Variants in SGSM1 observed in about 807,000 individuals in gnomAD.
SGSM1 encodes the protein small G protein signaling modulator 1.
Under a neutral mutation model 133.8 loss-of-function variants are expected in SGSM1, and 73 were observed. The ratio of observed to expected loss-of-function variants is 0.55; its 90% CI spans 0.45 to 0.66. The LOEUF (loss-of-function observed/expected upper bound fraction) is 0.66, where lower values mean the gene tolerates loss of function less well. SGSM1 is among the 30% of genes least tolerant of loss of function. SGSM1 has a pLI of 0.00. For synonymous variants in SGSM1, 563 were observed against 573.0 expected (o/e 0.98, Z 0.25); for missense variants, 1,213 against 1,448.1 (o/e 0.84, Z 2.64).
At chr22:24,890,179 A>G (rs975814262) in intron 16 of SGSM1, among the ~76,000 whole-genome samples, 4 of 149,518 alleles carry the variant, frequency 2.7e-5, no homozygotes, top group Admixed American at 2.0e-4. Flanking sequence ...GATGGTCTCG[A>G]TCTCCTGACC....
intron 21 of SGSM1, among the ~76,000 whole-genome samples, chr22:24,912,427 C>T (rs957309181): frequency 6.6e-6 from 1 of 152,072 alleles, no homozygotes; most frequent in African/African-American, 2.4e-5. Context: ...GCCTGTAATC[C>T]CAGTACTTTG....
At chr22:24,919,489 G>C (rs182690716) in intron 23 of SGSM1, among the ~76,000 whole-genome samples, 45 of 152,286 alleles carry the variant, frequency 3.0e-4, no homozygotes, top group Non-Finnish European at 5.4e-4. Flanking sequence ...GATAGCAGGT[G>C]TTGCTTGTCA....
chr22:24,913,355 C>T (rs1206147574), intron 22 of SGSM1, among the ~76,000 whole-genome samples: 1 of 151,794 alleles, frequency 6.6e-6, no homozygotes, highest in East Asian at 1.9e-4. Context: ...TTTCCTCCAC[C>T]GAATAAAAAT....
At chr22:24,847,849 G>C in intron 4 of SGSM1, 53 bp downstream of exon 4, 2 of 1,586,884 alleles carry the variant, frequency 1.3e-6, no homozygotes, top group Non-Finnish European at 1.7e-6. Flanking sequence ...ATAGTCCACA[G>C]TCCTCCCTGG....
At chr22:24,844,578 G>T in intron 2 of SGSM1, 2 of 253,018 alleles carry the variant, frequency 7.9e-6, no homozygotes, top group Non-Finnish European at 1.5e-5. Flanking sequence ...ACTAAAACAG[G>T]GGATGGGAGT....
intron 2 of SGSM1, among the ~76,000 whole-genome samples, chr22:24,807,482 C>T (rs1209133978): frequency 6.6e-6 from 1 of 151,052 alleles, no homozygotes; most frequent in Non-Finnish European, 1.5e-5. Context: ...GTGTGTGTAT[C>T]TTGAGTAGGT....
At position 24,926,791 on chromosome 22, in the gene SGSM1, C is replaced by G. The variant is rs1363938371; in HGVS notation, c.*2517C>G. The stretch of plus-strand genomic sequence containing the variant: ...GGCCCACATATCTTGTAAATGTTTG[C>G]TGAAGAGTTGTGTCTATATATAGAG... On this transcript the variant is annotated 3_prime_UTR_variant, in exon 25 of 25. Transcript: ENST00000400358. 3 of 151,530 alleles carry G rather than the reference C, an allele frequency of 2.0e-5. No individual in the cohort carries two copies. Among genetic ancestry groups the G allele is most frequent in the African/African-American group, 7.3e-5 (3 of 41,196 alleles). The allele number at this position is 151,530 out of a possible 1,614,324, so 9.4% of individuals were successfully genotyped here. A position where few individuals can be genotyped will look rare whatever the true frequency, so the allele number is the denominator to read the frequency against.
At chr22:24,819,176 G>C (rs1928322273) in intron 2 of SGSM1, among the ~76,000 whole-genome samples, 1 of 150,986 alleles carries the variant, frequency 6.6e-6, no homozygotes, top group African/African-American at 2.4e-5. Flanking sequence ...CACAACCCCA[G>C]TAATAATTAT....
chr22:24,860,910 A>T (rs1179852029), intron 9 of SGSM1, among the ~76,000 whole-genome samples: 71 of 97,124 alleles, frequency 7.3e-4, no homozygotes, highest in South Asian at 2.5e-3. Flanking sequence ...AAAAAAAAAA[A>T]AAAAAAAAAA....
At chr22:24,895,435 GT>G in intron 18 of SGSM1, 144 bp downstream of exon 18, 2 of 869,056 alleles carry the variant, frequency 2.3e-6, no homozygotes, top group South Asian at 3.3e-5. Flanking sequence ...ATTGTTTTTT[GT>G]TTTTTGTTTA....
chr22:24,818,091 G>A (rs1203314356), intron 2 of SGSM1, among the ~76,000 whole-genome samples: 1 of 115,084 alleles, frequency 8.7e-6, no homozygotes, highest in Non-Finnish European at 2.0e-5. Context: ...AATTAGCCGG[G>A]CGTGGTGGTG....
At position 24,924,847 on chromosome 22, in the gene SGSM1, C is replaced by CAATGCAG; in HGVS notation, c.*573_*574insAATGCAG. The CAATGCAG allele has an allele frequency of 6.5e-6, 1 of 152,974 alleles. No individual in the cohort carries two copies. Among genetic ancestry groups the CAATGCAG allele is most frequent in the Non-Finnish European group, 1.5e-5 (1 of 68,710 alleles). 9.5% of individuals were successfully genotyped at this position (152,974 alleles called of 1,614,324 possible). A position where few individuals can be genotyped will look rare whatever the true frequency, so the allele number is the denominator to read the frequency against. On this transcript the variant is annotated 3_prime_UTR_variant, in exon 25 of 25. Coordinates refer to ENST00000400358, the MANE Select transcript of SGSM1 (RefSeq NM_001098497.3). ...CATTGTAGGATGCTGAGCAGCATCC[C>CAATGCAG]GGGCCTCACCAGATGCCAGTAGTGC... is the stretch of plus-strand genomic sequence containing the variant.
intron 2 of SGSM1, among the ~76,000 whole-genome samples, chr22:24,841,401 A>G (rs1929800326): frequency 1.3e-5 from 2 of 152,238 alleles, no homozygotes; most frequent in Non-Finnish European, 1.5e-5. Context: ...AGAATGTTCC[A>G]TGTGCACTTG....
chr22:24,911,497 G>A (rs1008782801), intron 21 of SGSM1, among the ~76,000 whole-genome samples: 1 of 151,980 alleles, frequency 6.6e-6, no homozygotes, highest in African/African-American at 2.4e-5. Context: ...ATAGTGACTT[G>A]TTTCCAAAAA....
chr22:24,851,672 T>G (rs1930493296), intron 5 of SGSM1, among the ~76,000 whole-genome samples: 2 of 152,204 alleles, frequency 1.3e-5, no homozygotes, highest in South Asian at 4.1e-4. Context: ...ACAGTCATGC[T>G]GATAATACCT....
chr22:24,893,481 G>A lies in SGSM1; in HGVS notation c.1821G>A (p.Leu607=), dbSNP rs61741166. The A allele has an allele frequency of 3.2e-3, 5,187 of 1,613,902 alleles. 146 individuals are homozygous for A. The African/African-American group carries it at 0.06, about 19-fold the overall frequency. The change falls in exon 17 of 25, where the codon CTG becomes CTA. Residue 607 remains leucine (L), a synonymous_variant. Transcript: ENST00000400358. ...ACYAQTMAEW[L]GCEAIVRQRE... is the part of the protein sequence containing the mutation. ...ATGCACAGACCATGGCTGAGTGGCTGGGCTGCGAGGCGATCGTGCGGCAGA... is the reference window on the plus strand; with the variant it reads ...ATGCACAGACCATGGCTGAGTGGCTAGGCTGCGAGGCGATCGTGCGGCAGA...
Position 24,816,417 on chromosome 22 carries a change from C to CTTTTTTTTTTTTTTT in SGSM1, c.63+9935_63+9949dup, listed in dbSNP as rs3062145. Among the ~76,000 whole-genome samples, 7 of 130,098 alleles carry CTTTTTTTTTTTTTTT rather than the reference C, an allele frequency of 5.4e-5. 1 individual carries two copies. The highest frequency in any genetic ancestry group is 9.5e-5 in the Non-Finnish European group (6 of 63,328). 85.3% of individuals were successfully genotyped at this position (130,098 alleles called of 152,430 possible). ...AAAAATTGATTTCTTTTTTTTCTTT[C>CTTTTTTTTTTTTTTT]TTTTTTTTTTTTTTTTGAGATGGTG... On this transcript the variant is annotated intron_variant, in intron 2 of 24. Coordinates refer to ENST00000400358, the MANE Select transcript of SGSM1 (RefSeq NM_001098497.3).
In SGSM1 at chr22:24,855,704, A is replaced by C. The variant is rs115400326; in HGVS notation, c.801+24A>C. The C allele has an allele frequency of 9.5e-4, 1,531 of 1,613,876 alleles. 16 individuals carry two copies. In the African/African-American group the frequency reaches 0.018, roughly 19 times the overall value. The stretch of plus-strand genomic sequence containing the variant: ...CGGTGAGAGGTTATCTTGGGCCTAG[A>C]TCTTGCACTGAGGGTCTCACTCCAG... On this transcript the variant is annotated intron_variant, in intron 8 of 24. Coordinates refer to ENST00000400358, the MANE Select transcript of SGSM1 (RefSeq NM_001098497.3).
At chr22:24,889,234 A>G (rs1046371575) in intron 16 of SGSM1, among the ~76,000 whole-genome samples, 34 of 152,176 alleles carry the variant, frequency 2.2e-4, no homozygotes, top group Admixed American at 2.2e-3. Context: ...TGCTGGGATT[A>G]CAGGCGTGAG....
Sources: allele counts gnomAD v4.1 joint callset (sites outside exome capture counted in the v4.1 genomes callset), GRCh38; gene constraint gnomAD v4.1.1; transcripts MANE v1.5; gene names NCBI Gene and HGNC (gene_info 2026-07-23, HGNC 2026-07-21).